The following BRINP3 variants were observed in gnomAD, a reference collection of about 807,000 sequenced individuals.
BRINP3 encodes BMP/retinoic acid-inducible neural-specific protein 3.
A neutral mutation model predicts 71.0 loss-of-function variants in BRINP3; 19 were observed. That is an observed-to-expected ratio of 0.27 (90% CI 0.19 to 0.39). The LOEUF (loss-of-function observed/expected upper bound fraction) is 0.39, where lower values mean the gene tolerates loss of function less well. Among genes scored for constraint, BRINP3 ranks in the 10% least tolerant of loss-of-function variants. The pLI is 1.00. For missense variants in BRINP3, 959 were observed against 940.8 expected (o/e 1.02, Z -0.25); for synonymous variants, 380 against 337.7 (o/e 1.13, Z -1.37).
intron 1 of BRINP3, among the ~76,000 whole-genome samples, chr1:190,465,056 G>C (rs951048287): frequency 6.6e-6 from 1 of 151,886 alleles, no homozygotes; most frequent in Non-Finnish European, 1.5e-5. Flanking sequence ...ATGAAGAGAA[G>C]GTAAGTTCCA....
chr1:190,342,690 C>T (rs1203331079), intron 2 of BRINP3: 3 of 151,774 alleles, frequency 2.0e-5, no homozygotes, highest in Non-Finnish European at 2.9e-5. Flanking sequence ...GGATTATTCT[C>T]TTGCAGACAC....
chr1:190,358,486 C>T (rs938521933), intron 2 of BRINP3, among the ~76,000 whole-genome samples: 1 of 151,966 alleles, frequency 6.6e-6, no homozygotes, highest in African/African-American at 2.4e-5. Flanking sequence ...CAGTTAGAAT[C>T]GCGATCATTA....
At chr1:190,103,331 G>GTCTTA in intron 7 of BRINP3, among the ~76,000 whole-genome samples, 1 of 152,190 alleles carries the variant, frequency 6.6e-6, no homozygotes, top group Non-Finnish European at 1.5e-5. Flanking sequence ...CTACGACAGA[G>GTCTTA]TCTTACACTG....
chr1:190,354,191 A>G (rs1668580672), intron 2 of BRINP3, among the ~76,000 whole-genome samples: 1 of 151,926 alleles, frequency 6.6e-6, no homozygotes, highest in South Asian at 2.1e-4. Flanking sequence ...AAGTTATAGT[A>G]TTTTATTGAT....
intron 7 of BRINP3, among the ~76,000 whole-genome samples, chr1:190,142,070 GT>G (rs1655502496): frequency 6.6e-6 from 1 of 152,094 alleles, no homozygotes; most frequent in South Asian, 2.1e-4. Flanking sequence ...ATCTGTTCAA[GT>G]TGTGATTGGC....
chr1:190,262,343 T>C (rs1416886432), intron 4 of BRINP3, among the ~76,000 whole-genome samples: 1 of 152,112 alleles, frequency 6.6e-6, no homozygotes, highest in Non-Finnish European at 1.5e-5. Flanking sequence ...AAGGTGTAAT[T>C]GCTCTCCACT....
intron 7 of BRINP3, among the ~76,000 whole-genome samples, chr1:190,106,507 A>G (rs148698802): frequency 6.6e-6 from 1 of 151,628 alleles, no homozygotes; most frequent in East Asian, 1.9e-4. Context: ...TTCATCCTTC[A>G]TAGATCTGTT....
intron 2 of BRINP3, among the ~76,000 whole-genome samples, chr1:190,416,289 C>G (rs1312026029): frequency 1.3e-5 from 2 of 152,026 alleles, no homozygotes; most frequent in African/African-American, 4.8e-5. Flanking sequence ...ATTGCTTTTT[C>G]TATATTTTTA....
intron 7 of BRINP3, among the ~76,000 whole-genome samples, chr1:190,143,535 A>G (rs977533748): frequency 6.6e-6 from 1 of 152,186 alleles, no homozygotes; most frequent in African/African-American, 2.4e-5. Context: ...GAATGTTCTG[A>G]GAGGGATGCT....
At chr1:190,170,177 C>G (rs183470723) in intron 6 of BRINP3, among the ~76,000 whole-genome samples, 1 of 151,898 alleles carries the variant, frequency 6.6e-6, no homozygotes, top group Non-Finnish European at 1.5e-5. Flanking sequence ...TGAGGTAGGA[C>G]AGTCTGGTTT....
At chr1:190,101,185 G>A (rs1399461420) in intron 7 of BRINP3, among the ~76,000 whole-genome samples, 1 of 151,952 alleles carries the variant, frequency 6.6e-6, no homozygotes, top group Non-Finnish European at 1.5e-5. Flanking sequence ...AGCATGAAGT[G>A]GACTAAGATA....
chr1:190,105,435 G>A (rs1341444631), intron 7 of BRINP3, among the ~76,000 whole-genome samples: 1 of 152,100 alleles, frequency 6.6e-6, no homozygotes, highest in Non-Finnish European at 1.5e-5. Context: ...ATTAGCTGAT[G>A]TTAACATTCA....
chr1:190,293,642 A>G (rs924512795), intron 2 of BRINP3, among the ~76,000 whole-genome samples: 1 of 152,168 alleles, frequency 6.6e-6, no homozygotes, highest in Non-Finnish European at 1.5e-5. Flanking sequence ...TTATCATTGC[A>G]TTGAAGTGTA....
chr1:190,419,855 C>T (rs1470633307), intron 2 of BRINP3, among the ~76,000 whole-genome samples: 1 of 147,872 alleles, frequency 6.8e-6, no homozygotes, highest in African/African-American at 2.5e-5. Flanking sequence ...AAAAAGAATC[C>T]CTGATTAGAA....
chr1:190,205,453 A>T (rs768006722), intron 6 of BRINP3, among the ~76,000 whole-genome samples: 1 of 152,066 alleles, frequency 6.6e-6, no homozygotes, highest in Non-Finnish European at 1.5e-5. Flanking sequence ...CCATGTTTTA[A>T]AACTCATGAT....
intron 2 of BRINP3, among the ~76,000 whole-genome samples, chr1:190,433,973 A>T (rs1423935930): frequency 6.6e-6 from 1 of 152,104 alleles, no homozygotes; most frequent in Non-Finnish European, 1.5e-5. Flanking sequence ...CTGCGAAATT[A>T]GTTACTTTGG....
intron 6 of BRINP3, among the ~76,000 whole-genome samples, chr1:190,217,558 T>C (rs564010135): frequency 6.6e-6 from 1 of 152,090 alleles, no homozygotes; most frequent in African/African-American, 2.4e-5. Flanking sequence ...TACCCTGAAA[T>C]TAAAAATAAT....
chr1:190,124,400 A>G (rs1217698127), intron 7 of BRINP3, among the ~76,000 whole-genome samples: 1 of 152,094 alleles, frequency 6.6e-6, no homozygotes. Flanking sequence ...AACTCTGTTA[A>G]TAGCAGCACA....
intron 7 of BRINP3, among the ~76,000 whole-genome samples, chr1:190,148,520 T>G (rs144233737): frequency 0.016 from 2,486 of 151,280 alleles, 58 homozygotes; most frequent in African/African-American, 0.057. Flanking sequence ...GGTGTGAACC[T>G]GGGAAGTGGA....
Sources: gnomAD v4.1 joint callset for allele counts (sites outside exome capture counted in the v4.1 genomes callset) on GRCh38, gnomAD v4.1.1 for gene constraint, MANE v1.5 for transcripts, NCBI Gene and HGNC (gene_info 2026-07-23, HGNC 2026-07-21) for gene names.